The following MN1 variants were observed in gnomAD, a reference collection of about 807,000 sequenced individuals.
The protein encoded by MN1 is transcriptional activator MN1.
MN1 carries 19 observed loss-of-function variants against 86.9 expected under a neutral mutation model. The observed-to-expected ratio is 0.22, with a 90% CI of 0.15 to 0.32. The LOEUF is 0.32. Among genes scored for constraint, MN1 ranks in the 10% least tolerant of loss-of-function variants. The probability of loss-of-function intolerance (pLI) is 1.00; values close to 1 mark genes in which losing one functional copy is unlikely to be tolerated. For missense variants in MN1, 1,841 were observed against 1,862.0 expected, an observed-to-expected ratio of 0.99 and a Z score of 0.21; for synonymous variants, 928 against 849.6, an observed-to-expected ratio of 1.09 and a Z score of -1.60.
At chr22:27,789,958 T>C (rs1381682008) in intron 1 of MN1, among the ~76,000 whole-genome samples, 1 of 152,210 alleles carries the variant, frequency 6.6e-6, no homozygotes, top group African/African-American at 2.4e-5. Context: ...CAGTCCAATA[T>C]GGTCTTGTCA....
chr22:27,784,895 G>T (rs1455363705), intron 1 of MN1, among the ~76,000 whole-genome samples: 3 of 151,822 alleles, frequency 2.0e-5, no homozygotes, highest in African/African-American at 7.3e-5. Flanking sequence ...GGGGAGTTGG[G>T]GAGTGGTGTG....
chr22:27,763,916 G>T (rs1370066214), intron 1 of MN1, among the ~76,000 whole-genome samples: 1 of 152,206 alleles, frequency 6.6e-6, no homozygotes, highest in African/African-American at 2.4e-5. Context: ...CAGAGGAGGC[G>T]GTGTGCAAGT....
rs1315495557 is a variant in MN1, at chr22:27,797,646, C to A, written c.2898G>T (p.Pro966=). The change falls in exon 1 of 2, where the codon CCG becomes CCT. Residue 966 remains proline (P), a synonymous_variant. Coordinates refer to ENST00000302326, the MANE Select transcript of MN1 (RefSeq NM_002430.3). ...GTFFDKYSAA[P]DSGGAPGVSP... ...TCACCCCAGGTGCGCCCCCGCTGTC[C>A]GGAGCCGCCGAGTACTTGTCAAAGA... 1.3e-6 allele frequency: 2 copies of A among 1,598,112 alleles called. No homozygotes were observed. Among genetic ancestry groups the A allele is most frequent in the South Asian group, 1.1e-5 (1 of 88,994 alleles).
At chr22:27,751,969 G>A (rs1297644630) in intron 1 of MN1, among the ~76,000 whole-genome samples, 2 of 152,184 alleles carry the variant, frequency 1.3e-5, no homozygotes, top group Non-Finnish European at 2.9e-5. Context: ...AGGTGGCTTT[G>A]AGAGTGGGGG....
In MN1 at chr22:27,801,006, C is replaced by A; in HGVS notation, c.-463G>T. The A allele has an allele frequency of 3.4e-6, 1 of 291,630 alleles. No homozygotes were observed. The highest frequency in any genetic ancestry group is 5.6e-5 in the East Asian group (1 of 17,900). The allele number at this position is 291,630 out of a possible 1,614,324, so 18.1% of individuals were successfully genotyped here. ...GCCCGCAGCCTCCCGGAGTCCGTGG[C>A]AGAGCTGCTAAGGGCAGGGGAGGGA... On this transcript the variant is annotated 5_prime_UTR_variant, in exon 1 of 2. Coordinates refer to ENST00000302326, the MANE Select transcript of MN1 (RefSeq NM_002430.3).
chr22:27,750,804 CA>C lies in MN1; in HGVS notation c.*110del, dbSNP rs1932756771. On this transcript the variant is annotated 3_prime_UTR_variant, in exon 2 of 2. Coordinates refer to ENST00000302326, the MANE Select transcript of MN1 (RefSeq NM_002430.3). ...GAGAAAAAAAAAAAACTCATCCACTCAGCAATAGTGGCCCTTTCAAATTAAC... is the reference window on the plus strand; with the variant it reads ...GAGAAAAAAAAAAAACTCATCCACTCGCAATAGTGGCCCTTTCAAATTAAC... 1 of 949,620 alleles carries C rather than the reference CA, an allele frequency of 1.1e-6. No homozygotes were observed. The highest frequency in any genetic ancestry group is 1.5e-6 in the Non-Finnish European group (1 of 663,754). The allele number at this position is 949,620 out of a possible 1,614,324, so 58.8% of individuals were successfully genotyped here.
intron 1 of MN1, among the ~76,000 whole-genome samples, chr22:27,769,552 A>ATTTTTTTGTT (rs1932897016): frequency 1.2e-5 from 1 of 83,268 alleles, no homozygotes; most frequent in Admixed American, 1.8e-4. Flanking sequence ...AAGGATGCCA[A>ATTTTTTTGTT]TTTTTTTTTT....
In MN1 at chr22:27,750,197, A is replaced by G. The variant is rs1932751510; in HGVS notation, c.*718T>C. 1 of 231,420 alleles carries G rather than the reference A, an allele frequency of 4.3e-6. No homozygotes were observed. Among genetic ancestry groups the G allele is most frequent in the South Asian group, 1.8e-4 (1 of 5,510 alleles). The allele number at this position is 231,420 out of a possible 1,614,324, so 14.3% of individuals were successfully genotyped here. On this transcript the variant is annotated 3_prime_UTR_variant, in exon 2 of 2. Transcript: ENST00000302326. ...GGCGGCTTCCAGCAGGAGAAGAGAG[A>G]ACTCAAGTGGAAGGGAACTGAAGGC...
intron 1 of MN1, among the ~76,000 whole-genome samples, chr22:27,791,073 A>G (rs1348557535): frequency 6.6e-6 from 1 of 151,830 alleles, no homozygotes; most frequent in East Asian, 1.9e-4. Flanking sequence ...ATGGAAATAC[A>G]CTCGGCCATG....
chr22:27,796,901 C>T lies in MN1; in HGVS notation c.3643G>A (p.Asp1215Asn). The part of the protein sequence containing the change: ...EAVKSAMSTI[D>N]LDSLMAEHSA... The stretch of plus-strand genomic sequence containing the variant: ...TGCTCTGCCATCAGCGAGTCCAGGT[C>T]AATGGTGCTCATGGCGCTCTTGACC... Residue 1215 changes from aspartate (D) to asparagine (N), a missense_variant, in exon 1 of 2, where the codon GAC (aspartate) becomes AAC (asparagine). Coordinates refer to ENST00000302326, the MANE Select transcript of MN1 (RefSeq NM_002430.3). 6.2e-7 allele frequency: 1 copy of T among 1,613,102 alleles called. No individual in the cohort carries two copies. Among genetic ancestry groups the T allele is most frequent in the South Asian group, 1.1e-5 (1 of 91,078 alleles).
At chr22:27,757,070 C>T (rs1165377500) in intron 1 of MN1, among the ~76,000 whole-genome samples, 1 of 149,990 alleles carries the variant, frequency 6.7e-6, no homozygotes, top group Non-Finnish European at 1.5e-5. Context: ...CACATTTTTC[C>T]TTCTAATCCC....
intron 1 of MN1, among the ~76,000 whole-genome samples, chr22:27,783,957 A>G (rs890572834): frequency 1.3e-5 from 2 of 152,206 alleles, no homozygotes; most frequent in African/African-American, 4.8e-5. Context: ...TTCCACGATG[A>G]TGCCGCCGCA....
At chr22:27,762,018 T>A (rs1376873207) in intron 1 of MN1, among the ~76,000 whole-genome samples, 1 of 152,100 alleles carries the variant, frequency 6.6e-6, no homozygotes. Context: ...AGGTGGTGCA[T>A]GACAGCCGCG....
chr22:27,758,001 TACCA>T (rs1932812207), intron 1 of MN1, among the ~76,000 whole-genome samples: 1 of 151,974 alleles, frequency 6.6e-6, no homozygotes, highest in African/African-American at 2.4e-5. Context: ...CTGGCCCACA[TACCA>T]ACCATCTCCT....
intron 1 of MN1, among the ~76,000 whole-genome samples, chr22:27,773,088 C>CCCCTA: frequency 6.6e-6 from 1 of 151,864 alleles, no homozygotes. Context: ...GCCCAGGCCG[C>CCCCTA]CCCTCCCCAG....
At chr22:27,785,753 C>CCT (rs1555883108) in intron 1 of MN1, among the ~76,000 whole-genome samples, 1 of 150,060 alleles carries the variant, frequency 6.7e-6, no homozygotes, top group African/African-American at 2.5e-5. Context: ...TGTGCCCCCC[C>CCT]CCCATGGCCC....
intron 1 of MN1, among the ~76,000 whole-genome samples, chr22:27,764,746 A>G (rs187296017): frequency 6.6e-6 from 1 of 152,362 alleles, no homozygotes; most frequent in East Asian, 1.9e-4. Flanking sequence ...TACCAATAAC[A>G]TAATTACCGC....
intron 1 of MN1, among the ~76,000 whole-genome samples, chr22:27,763,281 C>A (rs1049206839): frequency 3.3e-5 from 5 of 152,314 alleles, no homozygotes; most frequent in Non-Finnish European, 2.9e-5. Flanking sequence ...TCATCCCCCC[C>A]ATCCATGGGT....
At chr22:27,787,877 A>G (rs1354342439) in intron 1 of MN1, among the ~76,000 whole-genome samples, 1 of 152,176 alleles carries the variant, frequency 6.6e-6, no homozygotes, top group Non-Finnish European at 1.5e-5. Flanking sequence ...AACTCAACAG[A>G]AACGGGTCCT....
Sources: gnomAD v4.1 joint callset for allele counts (sites outside exome capture counted in the v4.1 genomes callset) on GRCh38, gnomAD v4.1.1 for gene constraint, MANE v1.5 for transcripts, NCBI Gene and HGNC (gene_info 2026-07-23, HGNC 2026-07-21) for gene names.